Variants in SLC37A2 observed in about 807,000 individuals in gnomAD.
SLC37A2 encodes solute carrier family 37 member 2, also known as glucose-6-phosphate exchanger SLC37A2.
A neutral mutation model predicts 70.7 loss-of-function variants in SLC37A2; 59 were observed. That is an observed-to-expected ratio of 0.83 (90% CI 0.68 to 1.04). The LOEUF (loss-of-function observed/expected upper bound fraction) is 1.04, where lower values mean the gene tolerates loss of function less well. Among genes scored for constraint, SLC37A2 ranks in the 50% least tolerant of loss-of-function variants. The pLI is 0.00. For synonymous variants in SLC37A2, 257 were observed against 262.1 expected (o/e 0.98, Z 0.19); for missense variants, 580 against 658.1 (o/e 0.88, Z 1.30).
intron 12 of SLC37A2, 47 bp downstream of exon 12, chr11:125,084,366 C>A (rs954509660): frequency 6.3e-7 from 1 of 1,586,584 alleles, no homozygotes; most frequent in Non-Finnish European, 8.7e-7. Context: ...TGAGCAGGAG[C>A]CTGTGTGGGC....
At chr11:125,084,646 C>G (rs1949184738) in intron 12 of SLC37A2, among the ~76,000 whole-genome samples, 179 bp from the exon 13 acceptor site, 1 of 152,148 alleles carries the variant, frequency 6.6e-6, no homozygotes, top group Non-Finnish European at 1.5e-5. Flanking sequence ...GATAGAGTAC[C>G]ACGTTTTAGA....
In SLC37A2 at chr11:125,076,809, A is replaced by G. The variant is rs758355318; in HGVS notation, c.112A>G (p.Met38Val). ...LTFLIYACYH[M>V]SRKPISIVKS... ...CTTCCTAATTTACGCCTGCTATCAC[A>G]TGTCCAGGAAGCCTATCAGTATCGT... The change falls in exon 2 of 18, where the codon ATG becomes GTG. Residue 38 changes from methionine (M) to valine (V), a missense_variant. Transcript: ENST00000403796. 2 of 1,614,136 alleles carry G rather than the reference A, an allele frequency of 1.2e-6. No individual in the cohort carries two copies. Among genetic ancestry groups the G allele is most frequent in the South Asian group, 2.2e-5 (2 of 91,082 alleles).
chr11:125,076,781 G>A lies in SLC37A2; in HGVS notation c.84G>A (p.Leu28=). The change falls in exon 2 of 18, where the codon CTG becomes CTA. Residue 28 remains leucine (L), a synonymous_variant. Coordinates refer to ENST00000403796, the MANE Select transcript of SLC37A2 (RefSeq NM_001145290.2). ...GGTTCCGAGGCCTCATCCTGCTGCTGACCTTCCTAATTTACGCCTGCTATC... is the reference window on the plus strand; with the variant it reads ...GGTTCCGAGGCCTCATCCTGCTGCTAACCTTCCTAATTTACGCCTGCTATC... ...DSWFRGLILL[L]TFLIYACYHM... is the part of the protein sequence containing the mutation. 1 of 1,614,158 alleles carries A rather than the reference G, an allele frequency of 6.2e-7. No individual in the cohort carries two copies. The highest frequency in any genetic ancestry group is 1.1e-5 in the South Asian group (1 of 91,084).
intron 4 of SLC37A2, 61 bp from the exon 5 acceptor site, chr11:125,079,051 G>T: frequency 6.2e-7 from 1 of 1,607,686 alleles, no homozygotes; most frequent in South Asian, 1.1e-5. Flanking sequence ...GCAGAAACAT[G>T]GTAGGGAGTT....
chr11:125,086,215 T>A, intron 17 of SLC37A2, 197 bp downstream of exon 17: 1 of 1,613,154 alleles, frequency 6.2e-7, no homozygotes, highest in Non-Finnish European at 8.5e-7. Context: ...TCTAGTATGG[T>A]CCTAACCCAC....
chr11:125,087,852 G>A (rs1280875091), intron 17 of SLC37A2: 3 of 347,962 alleles, frequency 8.6e-6, no homozygotes, highest in South Asian at 7.2e-5. Context: ...GGCTGGTCTT[G>A]AACTCCCAAC....
intron 1 of SLC37A2, among the ~76,000 whole-genome samples, chr11:125,075,189 A>G (rs7939765): frequency 0.73 from 110,897 of 152,170 alleles, 40,582 homozygotes; most frequent in Admixed American, 0.78. Flanking sequence ...GGTGGCTGCT[A>G]TCTGTAGGAC....
rs889214017 is a variant in SLC37A2 at position 125,090,096 on chromosome 11, C to G, written c.*1962C>G. 3.3e-5 allele frequency: 5 copies of G among 151,412 alleles called. No individual in the cohort carries two copies. The highest frequency in any genetic ancestry group is 3.3e-4 in the Admixed American group (5 of 15,214). The allele number at this position is 151,412 out of a possible 1,614,324, so 9.4% of individuals were successfully genotyped here. ...GTATCTAGCTGCTCTGGTGGGGCCTCGGAGAACCTTTATATCTAGCTCAGG... is the reference window on the plus strand; with the variant it reads ...GTATCTAGCTGCTCTGGTGGGGCCTGGGAGAACCTTTATATCTAGCTCAGG... On this transcript the variant is annotated 3_prime_UTR_variant, in exon 18 of 18. Transcript: ENST00000403796.
rs373725918 is a variant in SLC37A2 at position 125,063,327 on chromosome 11, G to T, written c.-41G>T. On this transcript the variant is annotated 5_prime_UTR_variant, in exon 1 of 18. Transcript: ENST00000403796. This position sits in a 1 kb window ranked among gnomAD's most constrained non-coding sequence, Gnocchi z 5.4. ...CCCGGGACACGCGCCCAGCTCTGTAGCCTCCTCCGTCGACTCAGCCTTAGG... is the reference window on the plus strand; with the variant it reads ...CCCGGGACACGCGCCCAGCTCTGTATCCTCCTCCGTCGACTCAGCCTTAGG... The T allele has an allele frequency of 1.2e-5, 19 of 1,576,578 alleles. No individual in the cohort carries two copies. Among genetic ancestry groups the T allele is most frequent in the Non-Finnish European group, 1.6e-5 (19 of 1,152,410 alleles).
intron 1 of SLC37A2, among the ~76,000 whole-genome samples, chr11:125,067,470 AAT>A (rs1175272574): frequency 1.3e-5 from 2 of 152,224 alleles, no homozygotes; most frequent in East Asian, 3.8e-4. Flanking sequence ...GATAAATAAT[AAT>A]ATTTTACCAA....
chr11:125,076,983 T>C (rs1949094236), intron 2 of SLC37A2, 145 bp downstream of exon 2: 1 of 836,384 alleles, frequency 1.2e-6, no homozygotes, highest in South Asian at 1.6e-5. Context: ...CTTTTGAGTT[T>C]ATTCCCCAAG....
chr11:125,081,698 C>A, intron 8 of SLC37A2, 56 bp from the exon 9 acceptor site: 3 of 1,516,168 alleles, frequency 2.0e-6, no homozygotes, highest in Non-Finnish European at 2.7e-6. Flanking sequence ...GCACCTTCAG[C>A]TGGTGGGAGG....
intron 1 of SLC37A2, among the ~76,000 whole-genome samples, chr11:125,073,900 G>A (rs112477165): frequency 3.3e-5 from 5 of 152,312 alleles, no homozygotes; most frequent in African/African-American, 1.2e-4. Context: ...GGCTTAGGCT[G>A]GCTGGGGTTC....
chr11:125,070,042 G>A (rs917272927), intron 1 of SLC37A2, among the ~76,000 whole-genome samples: 31 of 152,216 alleles, frequency 2.0e-4, no homozygotes, highest in African/African-American at 7.0e-4. Context: ...ATTTCCTGGG[G>A]CCCTCTGAGG....
rs748597451 is a variant in SLC37A2 at position 125,085,619 on chromosome 11, C to T, written c.1370C>T (p.Thr457Met). 39 of 1,613,800 alleles carry T rather than the reference C, an allele frequency of 2.4e-5. No homozygotes were observed. The highest frequency in any genetic ancestry group is 1.6e-4 in the South Asian group (15 of 91,084). The change falls in exon 16 of 18, where the codon ACG (threonine) becomes ATG (methionine). Residue 457 changes from threonine to methionine, a missense_variant. Thr to Met is a moderately conservative substitution (Grantham distance 81). Transcript: ENST00000403796. ...CTGCTGGCTGGGCTCATCTCCCCCA[C>T]GGGCTGGAACAATGTCTTCTACATG... ...GPLLAGLISP[T>M]GWNNVFYMLI...
rs376734468 is a variant in SLC37A2 at position 125,077,481 on chromosome 11, C to T, written c.267C>T (p.Gly89=). The change falls in exon 4 of 18, where the codon GGC becomes GGT. Residue 89 remains glycine (G), a synonymous_variant. Transcript: ENST00000403796. ...ACAACTATAAGGAGTTACTAGGGGG[C>T]GTGGACAACGCCTTCCTCATCGCCT... ...DKDNYKELLG[G]VDNAFLIAYA... The T allele has an allele frequency of 3.7e-5, 60 of 1,613,854 alleles. No homozygotes were observed. The highest frequency in any genetic ancestry group is 1.6e-4 in the East Asian group (7 of 44,878).
rs1949091302 is a variant in SLC37A2 at position 125,076,748 on chromosome 11, T to G, written c.60-9T>G. The G allele has an allele frequency of 3.7e-6, 6 of 1,613,964 alleles. No individual in the cohort carries two copies. The East Asian group carries it at 1.3e-4, about 36-fold the overall frequency. ...TTCCCACTAACGCAGATGCTGTCCCTTCCTGCAGGTTCCGAGGCCTCATCC... is the reference window on the plus strand; with the variant it reads ...TTCCCACTAACGCAGATGCTGTCCCGTCCTGCAGGTTCCGAGGCCTCATCC... On this transcript the variant is annotated splice_polypyrimidine_tract_variant and intron_variant, in intron 1 of 17. Coordinates refer to ENST00000403796, the MANE Select transcript of SLC37A2 (RefSeq NM_001145290.2).
intron 2 of SLC37A2, among the ~76,000 whole-genome samples, 193 bp from the exon 3 acceptor site, chr11:125,077,037 C>T (rs1949094888): frequency 6.6e-6 from 1 of 152,196 alleles, no homozygotes; most frequent in Non-Finnish European, 1.5e-5. Context: ...GTGCAGGGCC[C>T]CTGGGCTATG....
intron 1 of SLC37A2, among the ~76,000 whole-genome samples, chr11:125,069,287 G>C (rs1949007750): frequency 6.6e-6 from 1 of 152,184 alleles, no homozygotes. Flanking sequence ...AGCTGGAGTT[G>C]GAATCAAGAT....
Sources: allele counts gnomAD v4.1 joint callset (sites outside exome capture counted in the v4.1 genomes callset), GRCh38; gene constraint gnomAD v4.1.1; non-coding constraint Gnocchi (gnomAD v3.1); transcripts MANE v1.5; gene names NCBI Gene and HGNC (gene_info 2026-07-23, HGNC 2026-07-21).